Variants in THSD4 observed in about 807,000 individuals in gnomAD.
THSD4 encodes the protein thrombospondin type 1 domain containing 4.
Under a neutral mutation model 119.0 loss-of-function variants are expected in THSD4, and 69 were observed. The ratio of observed to expected loss-of-function variants is 0.58; its 90% CI spans 0.48 to 0.71. The LOEUF (loss-of-function observed/expected upper bound fraction) is 0.71. Ranked by LOEUF, THSD4 falls within the 30% of genes least tolerant of loss-of-function variation. THSD4 has a pLI of 0.00. For synonymous variants in THSD4, 524 were observed against 540.4 expected (o/e 0.97, Z 0.42); for missense variants, 1,393 against 1,391.1 (o/e 1.00, Z -0.02).
At chr15:71,257,992 A>G (rs1264638829) in intron 6 of THSD4, among the ~76,000 whole-genome samples, 2 of 151,978 alleles carry the variant, frequency 1.3e-5, no homozygotes, top group Admixed American at 1.3e-4. Context: ...CTGTGGATAG[A>G]GCTTGGTTCT....
At chr15:71,370,233 G>C (rs2046025485) in intron 6 of THSD4, among the ~76,000 whole-genome samples, 1 of 152,146 alleles carries the variant, frequency 6.6e-6, no homozygotes, top group East Asian at 1.9e-4. Context: ...CAAAAAACCA[G>C]CTCCTGGATT....
intron 8 of THSD4, among the ~76,000 whole-genome samples, chr15:71,668,151 T>A (rs2051452819): frequency 6.6e-6 from 1 of 152,168 alleles, no homozygotes; most frequent in Non-Finnish European, 1.5e-5. Flanking sequence ...TTACAAATAA[T>A]ACTTTAGAAT....
chr15:71,278,635 C>T (rs2044618058), intron 6 of THSD4, among the ~76,000 whole-genome samples: 1 of 152,050 alleles, frequency 6.6e-6, no homozygotes, highest in Admixed American at 6.6e-5. Context: ...TCTGCGGAGG[C>T]AAGGAGGAGG....
intron 1 of THSD4, among the ~76,000 whole-genome samples, chr15:71,135,406 A>AG (rs1168390428): frequency 1.3e-5 from 2 of 151,076 alleles, no homozygotes; most frequent in Non-Finnish European, 3.0e-5. Flanking sequence ...AAAAAAAAAA[A>AG]AAGAAGAAGC....
chr15:71,647,054 T>A (rs146312384), intron 7 of THSD4, among the ~76,000 whole-genome samples: 1 of 152,296 alleles, frequency 6.6e-6, no homozygotes, highest in East Asian at 1.9e-4. Flanking sequence ...TGCTTACACA[T>A]CTGGGGGGCA....
intron 5 of THSD4, among the ~76,000 whole-genome samples, chr15:71,249,534 A>G (rs909992253): frequency 5.9e-5 from 9 of 151,884 alleles, no homozygotes; most frequent in Admixed American, 5.2e-4. Context: ...ACACATTTAT[A>G]TACACAAGAA....
At chr15:71,486,951 C>G (rs901668080) in intron 7 of THSD4, among the ~76,000 whole-genome samples, 1 of 152,126 alleles carries the variant, frequency 6.6e-6, no homozygotes, top group African/African-American at 2.4e-5. Flanking sequence ...AGTATCTGCC[C>G]ACCAGTTCAG....
intron 6 of THSD4, among the ~76,000 whole-genome samples, chr15:71,402,897 T>C (rs2046556279): frequency 6.6e-6 from 1 of 152,176 alleles, no homozygotes; most frequent in South Asian, 2.1e-4. Context: ...TACCTTTTGG[T>C]TTTTAGTTTG....
At chr15:71,376,029 A>G (rs1334529980) in intron 6 of THSD4, among the ~76,000 whole-genome samples, 1 of 152,222 alleles carries the variant, frequency 6.6e-6, no homozygotes, top group East Asian at 1.9e-4. Context: ...TATGCATAAC[A>G]AATAGAGTTT....
chr15:71,584,532 G>A (rs1021590385), intron 7 of THSD4, among the ~76,000 whole-genome samples: 1 of 151,706 alleles, frequency 6.6e-6, no homozygotes, highest in African/African-American at 2.4e-5. Flanking sequence ...GCCTCCCAAA[G>A]TGCTGGAATT....
chr15:71,484,707 C>T (rs1022382518), intron 7 of THSD4, among the ~76,000 whole-genome samples: 2 of 152,146 alleles, frequency 1.3e-5, no homozygotes, highest in African/African-American at 4.8e-5. Context: ...CCCCCATTTG[C>T]AGGTGTGGAA....
chr15:71,279,554 A>G (rs1297796143), intron 6 of THSD4, among the ~76,000 whole-genome samples: 1 of 152,130 alleles, frequency 6.6e-6, no homozygotes, highest in African/African-American at 2.4e-5. Context: ...CCTTCTGCAT[A>G]TGTTCTTGTG....
chr15:71,371,038 C>T (rs2099905243), intron 6 of THSD4, among the ~76,000 whole-genome samples: 1 of 152,108 alleles, frequency 6.6e-6, no homozygotes, highest in Admixed American at 6.5e-5. Context: ...ATGTAATGGC[C>T]TTCTTTGTCT....
Position 71,411,787 on chromosome 15 carries a change from GAAC to G in THSD4, c.1117_1119del (p.Asn373del). On this transcript the variant is annotated inframe_deletion, in exon 7 of 18. Coordinates refer to ENST00000261862, the MANE Select transcript of THSD4 (RefSeq NM_024817.3). ...TCATCGATGGCACCCCCTGTGACCA[GAAC>G]GGCACGGCCATCTGTGTGTCTGGGC... 1 of 1,614,134 alleles carries G rather than the reference GAAC, an allele frequency of 6.2e-7. No homozygotes were observed. Among genetic ancestry groups the G allele is most frequent in the Non-Finnish European group, 8.5e-7 (1 of 1,179,992 alleles).
intron 7 of THSD4, among the ~76,000 whole-genome samples, chr15:71,549,296 T>A (rs79404983): frequency 6.6e-6 from 1 of 152,096 alleles, no homozygotes; most frequent in African/African-American, 2.4e-5. Context: ...TAAGTAAAGA[T>A]CCTCTTGGGC....
At chr15:71,765,676 G>C (rs1166381301) in intron 16 of THSD4, among the ~76,000 whole-genome samples, 2 of 152,176 alleles carry the variant, frequency 1.3e-5, no homozygotes, top group African/African-American at 4.8e-5. Context: ...GCCAAGGTGG[G>C]AAGATCACTT....
At chr15:71,486,053 T>C (rs1351356479) in intron 7 of THSD4, among the ~76,000 whole-genome samples, 1 of 152,192 alleles carries the variant, frequency 6.6e-6, no homozygotes, top group Non-Finnish European at 1.5e-5. Flanking sequence ...AATAATTGCA[T>C]GAGTAAGAGG....
intron 3 of THSD4, among the ~76,000 whole-genome samples, chr15:71,193,734 G>A (rs1449247195): frequency 6.6e-6 from 1 of 151,970 alleles, no homozygotes; most frequent in East Asian, 1.9e-4. Flanking sequence ...TTGAGACGGA[G>A]TCTCGCTCTG....
intron 6 of THSD4, among the ~76,000 whole-genome samples, chr15:71,296,589 G>A (rs1271855880): frequency 6.6e-6 from 1 of 152,144 alleles, no homozygotes; most frequent in South Asian, 2.1e-4. Context: ...GCCAAGCAGC[G>A]TGCATAACTC....
Sources: allele counts gnomAD v4.1 joint callset (sites outside exome capture counted in the v4.1 genomes callset), GRCh38; gene constraint gnomAD v4.1.1; transcripts MANE v1.5; gene names NCBI Gene and HGNC (gene_info 2026-07-23, HGNC 2026-07-21).